Variants in EFNA5 observed in about 807,000 individuals in gnomAD.
EFNA5 encodes ephrin-A5.
In EFNA5, 5 loss-of-function variants were observed where a neutral mutation model predicts 22.9. The observed-to-expected ratio is 0.22, with a 90% confidence interval of 0.11 to 0.46. The LOEUF (loss-of-function observed/expected upper bound fraction) is 0.46, where lower values mean the gene tolerates loss of function less well. Ranked by LOEUF, EFNA5 falls within the 20% of genes least tolerant of loss-of-function variation. EFNA5 has a pLI of 0.99. For missense variants in EFNA5, 237 were observed against 293.3 expected (o/e 0.81, Z 1.40); for synonymous variants, 113 against 112.2 (o/e 1.01, Z -0.04).
chr5:107,487,207 G>C (rs25981), intron 1 of EFNA5, among the ~76,000 whole-genome samples: 91,277 of 152,018 alleles, frequency 0.6, 29,685 homozygotes, highest in East Asian at 0.85. Context: ...ACACACTGCT[G>C]TGCCTGTAAT....
chr5:107,484,164 G>A (rs958943636), intron 1 of EFNA5, among the ~76,000 whole-genome samples: 2 of 152,106 alleles, frequency 1.3e-5, no homozygotes, highest in South Asian at 2.1e-4. Context: ...ACACAGCTGC[G>A]ACTCTGCAAC....
intron 1 of EFNA5, among the ~76,000 whole-genome samples, chr5:107,495,899 A>G (rs1317954741): frequency 1.3e-5 from 2 of 152,104 alleles, no homozygotes; most frequent in African/African-American, 2.4e-5. Context: ...TAGTTTCTGT[A>G]GTCAAAGGCA....
At chr5:107,457,411 G>C (rs1035835738) in intron 1 of EFNA5, among the ~76,000 whole-genome samples, 5 of 151,974 alleles carry the variant, frequency 3.3e-5, no homozygotes, top group Admixed American at 2.6e-4. Flanking sequence ...ATATAAAAAG[G>C]CATCGCATTT....
chr5:107,562,284 C>T (rs1235330065), intron 1 of EFNA5, among the ~76,000 whole-genome samples: 1 of 151,912 alleles, frequency 6.6e-6, no homozygotes, highest in South Asian at 2.1e-4. Context: ...AAGTGAAGCC[C>T]GCCTTTTTAG....
chr5:107,638,027 T>TC (rs1750420970), intron 1 of EFNA5, among the ~76,000 whole-genome samples: 2 of 150,622 alleles, frequency 1.3e-5, no homozygotes, highest in South Asian at 4.2e-4. Context: ...TTTGTATTTT[T>TC]TTTTTTTAGT....
chr5:107,558,141 G>C (rs944164912), intron 1 of EFNA5, among the ~76,000 whole-genome samples: 1 of 152,028 alleles, frequency 6.6e-6, no homozygotes, highest in Middle Eastern at 3.2e-3. Context: ...AAAAAAATCT[G>C]AGCCCCAAAG....
At chr5:107,404,069 G>GA (rs1199317089) in intron 2 of EFNA5, among the ~76,000 whole-genome samples, 6 of 152,154 alleles carry the variant, frequency 3.9e-5, no homozygotes, top group South Asian at 2.1e-4. Flanking sequence ...TCCAACTTAT[G>GA]ACCTAAATCA....
rs562777238 is a variant in EFNA5 at position 107,542,084 on chromosome 5, T to C, written c.126-114575A>G. On this transcript the variant is annotated intron_variant, in intron 1 of 4. Coordinates refer to ENST00000333274, the MANE Select transcript of EFNA5 (RefSeq NM_001962.3). ...ATCACGACATTTTGTTAAGATCTGA[T>C]TATATTTAACTCTTCTATTTCCCAT... 7.9e-5 allele frequency among the ~76,000 whole-genome samples: 12 copies of C among 152,316 alleles called. No homozygotes were observed. The South Asian group carries it at 2.3e-3, about 29-fold the overall frequency.
chr5:107,398,332 C>A (rs910629371), intron 2 of EFNA5, among the ~76,000 whole-genome samples: 1 of 152,134 alleles, frequency 6.6e-6, no homozygotes, highest in South Asian at 2.1e-4. Flanking sequence ...CAGGTTCCCA[C>A]AGAGATCTGT....
At chr5:107,569,834 CAAAAA>C (rs67306022) in intron 1 of EFNA5, among the ~76,000 whole-genome samples, 3,744 of 86,578 alleles carry the variant, frequency 0.043, 167 homozygotes, top group African/African-American at 0.12. Flanking sequence ...CCTGGGAGAC[CAAAAA>C]AAAAAAAAAA....
chr5:107,631,783 T>C (rs1433690404), intron 1 of EFNA5, among the ~76,000 whole-genome samples: 2 of 152,244 alleles, frequency 1.3e-5, no homozygotes, highest in African/African-American at 4.8e-5. Context: ...GTTATCAGAA[T>C]AGTTTATCAA....
In EFNA5 at chr5:107,663,904, G is replaced by C. The variant is rs941725996; in HGVS notation, c.125+6585C>G. ...TTCTTCAACCTGTCAACTGTCAATT[G>C]TATGAAGGATGTTTCTAAAGATGAC... On this transcript the variant is annotated intron_variant, in intron 1 of 4. Coordinates refer to ENST00000333274, the MANE Select transcript of EFNA5 (RefSeq NM_001962.3). 5.9e-5 allele frequency among the ~76,000 whole-genome samples: 9 copies of C among 152,202 alleles called. 1 individual carries two copies. Among genetic ancestry groups the C allele is most frequent in the Admixed American group, 3.3e-4 (5 of 15,284 alleles).
chr5:107,631,451 A>G (rs1435130164), intron 1 of EFNA5, among the ~76,000 whole-genome samples: 1 of 152,052 alleles, frequency 6.6e-6, no homozygotes, highest in African/African-American at 2.4e-5. Flanking sequence ...AATTTTGCCT[A>G]TGGTAAAACT....
chr5:107,506,904 G>A (rs1580501934), intron 1 of EFNA5, among the ~76,000 whole-genome samples: 1 of 152,126 alleles, frequency 6.6e-6, no homozygotes, highest in African/African-American at 2.4e-5. Context: ...AGTTTTTAAT[G>A]TAAGTAAAAA....
At chr5:107,608,428 C>G (rs1345667913) in intron 1 of EFNA5, among the ~76,000 whole-genome samples, 1 of 152,264 alleles carries the variant, frequency 6.6e-6, no homozygotes, top group Non-Finnish European at 1.5e-5. Context: ...TAAAAATTCA[C>G]TGCTCAAACT....
At chr5:107,428,889 T>C (rs897914870) in intron 1 of EFNA5, among the ~76,000 whole-genome samples, 1 of 152,178 alleles carries the variant, frequency 6.6e-6, no homozygotes, top group African/African-American at 2.4e-5. Context: ...ACAAATCAAA[T>C]TCCTCTTCTG....
chr5:107,577,937 G>A (rs1748961288), intron 1 of EFNA5, among the ~76,000 whole-genome samples: 1 of 152,154 alleles, frequency 6.6e-6, no homozygotes, highest in African/African-American at 2.4e-5. Flanking sequence ...CTTAGGTTAT[G>A]CCTGACAGTT....
intron 1 of EFNA5, among the ~76,000 whole-genome samples, chr5:107,449,655 A>G (rs1323958074): frequency 6.6e-6 from 1 of 152,196 alleles, no homozygotes; most frequent in African/African-American, 2.4e-5. Context: ...TTCATGGAGT[A>G]TTGTCACATC....
intron 1 of EFNA5, among the ~76,000 whole-genome samples, chr5:107,558,671 C>G (rs1451410363): frequency 6.6e-6 from 1 of 152,152 alleles, no homozygotes; most frequent in Non-Finnish European, 1.5e-5. Flanking sequence ...CAGATAAGGG[C>G]AAAGGGAAGG....
Sources: gnomAD v4.1 joint callset for allele counts (sites outside exome capture counted in the v4.1 genomes callset) on GRCh38, gnomAD v4.1.1 for gene constraint, MANE v1.5 for transcripts, NCBI Gene and HGNC (gene_info 2026-07-23, HGNC 2026-07-21) for gene names.